ST3GAL6: variants seen among roughly 807,000 people sequenced by gnomAD.
ST3GAL6 encodes the protein type 2 lactosamine alpha-2,3-sialyltransferase.
ST3GAL6 carries 31 observed loss-of-function variants against 40.5 expected under a neutral mutation model. The ratio of observed to expected loss-of-function variants is 0.77; its 90% CI spans 0.58 to 1.03. The LOEUF (loss-of-function observed/expected upper bound fraction) is 1.03. Among genes scored for constraint, ST3GAL6 ranks in the 50% least tolerant of loss-of-function variants. The pLI, the probability that ST3GAL6 is intolerant of heterozygous loss-of-function variation, is 0.00. For missense variants in ST3GAL6, 357 were observed against 393.2 expected, an observed-to-expected ratio of 0.91 and a Z score of 0.78; for synonymous variants, 129 against 136.9, an observed-to-expected ratio of 0.94 and a Z score of 0.40.
In ST3GAL6 at chr3:98,793,766, A is replaced by G. The variant is rs71311394; in HGVS notation, c.*5A>G. ...ATCAACTTGACTCAAGATTGACTCT[A>G]CAGACTCAGAAGATGATGCTAACAG... On this transcript the variant is annotated 3_prime_UTR_variant, in exon 10 of 10. Coordinates refer to ENST00000483910, the MANE Select transcript of ST3GAL6 (RefSeq NM_001323368.2). The G allele has an allele frequency of 0.066, 103,756 of 1,563,922 alleles. 3,941 individuals are homozygous for G. The highest frequency in any genetic ancestry group is 0.077 in the Non-Finnish European group (88,279 of 1,149,850).
intron 1 of ST3GAL6, among the ~76,000 whole-genome samples, chr3:98,755,521 A>G (rs981029505): frequency 1.3e-5 from 2 of 152,066 alleles, no homozygotes; most frequent in African/African-American, 4.8e-5. Context: ...TGGGAATTTC[A>G]TTTTCTGCTT....
Position 98,788,191 on chromosome 3 carries a change from G to T in ST3GAL6, c.587G>T (p.Trp196Leu), listed in dbSNP as rs1266222142. Residue 196 changes from tryptophan (W) to leucine (L), a missense_variant, in exon 7 of 10, where the codon TGG (tryptophan) becomes TTG (leucine). Coordinates refer to ENST00000483910, the MANE Select transcript of ST3GAL6 (RefSeq NM_001323368.2). The stretch of plus-strand genomic sequence containing the variant: ...GCTTTTAAGCCACATGATTTAAGGT[G>T]GCTGTTGGAATTGTTGATGGGTGAC... ...LTAFKPHDLRWLLELLMGDKI... is the reference protein window; with the variant it reads ...LTAFKPHDLRLLLELLMGDKI... 3.1e-6 allele frequency: 5 copies of T among 1,611,780 alleles called. No homozygotes were observed. The highest frequency in any genetic ancestry group is 1.3e-5 in the African/African-American group (1 of 74,956).
At chr3:98,785,795 T>G (rs967802960) in intron 6 of ST3GAL6, among the ~76,000 whole-genome samples, 1 of 152,120 alleles carries the variant, frequency 6.6e-6, no homozygotes, top group Non-Finnish European at 1.5e-5. Context: ...GGGACAAGGG[T>G]GGAAATGAAG....
chr3:98,746,912 C>T (rs1049367908), intron 1 of ST3GAL6, among the ~76,000 whole-genome samples: 2 of 152,076 alleles, frequency 1.3e-5, no homozygotes, highest in Admixed American at 6.6e-5. Context: ...TAACATTTGC[C>T]GTTCATGTAA....
chr3:98,762,482 G>T (rs886916230), upstream of ST3GAL6, among the ~76,000 whole-genome samples: 2 of 152,088 alleles, frequency 1.3e-5, no homozygotes, highest in Admixed American at 1.3e-4. Context: ...TATATGTGCT[G>T]TTTTTTATTT....
At position 98,795,450 on chromosome 3, in the gene ST3GAL6, CT is replaced by C. The variant is rs1941529409; in HGVS notation, c.*1691del. On this transcript the variant is annotated 3_prime_UTR_variant, in exon 10 of 10. Transcript: ENST00000483910. ...GCAGAGTCCCACAGTTTTGATTCCT[CT>C]TATAACTTTTTGAGGTGCAAAAGGA... 6.6e-6 allele frequency: 1 copy of C among 152,174 alleles called. No homozygotes were observed. The highest frequency in any genetic ancestry group is 2.4e-5 in the African/African-American group (1 of 41,436). 9.4% of individuals were successfully genotyped at this position (152,174 alleles called of 1,614,324 possible).
chr3:98,749,593 T>C (rs983869964), intron 1 of ST3GAL6, among the ~76,000 whole-genome samples: 11 of 152,234 alleles, frequency 7.2e-5, no homozygotes. Flanking sequence ...TAAATTGGCA[T>C]AATAAGTATT....
chr3:98,750,437 A>G (rs1189629378), intron 1 of ST3GAL6, among the ~76,000 whole-genome samples: 1 of 124,862 alleles, frequency 8.0e-6, no homozygotes, highest in South Asian at 3.1e-4. Context: ...GAAATAATGT[A>G]GTTAGAAGAC....
chr3:98,766,550 G>A (rs72932669), intron 1 of ST3GAL6, among the ~76,000 whole-genome samples: 5,844 of 151,168 alleles, frequency 0.039, 141 homozygotes, highest in African/African-American at 0.067. Context: ...CCTCCTGAAT[G>A]GGTGGGATTG....
chr3:98,732,635 G>A, intron 1 of ST3GAL6: 1 of 483,938 alleles, frequency 2.1e-6, no homozygotes, highest in East Asian at 3.6e-5. Flanking sequence ...TTTGGGGGCG[G>A]CCACCGTGCA....
intron 1 of ST3GAL6, among the ~76,000 whole-genome samples, chr3:98,764,838 A>G (rs896142047): frequency 6.6e-6 from 1 of 152,232 alleles, no homozygotes; most frequent in African/African-American, 2.4e-5. Flanking sequence ...GCACTCATAC[A>G]TCTTAATGCT....
rs563684635 is a variant in ST3GAL6, at chr3:98,756,401, G to A, written c.-11-12029G>A. 1.2e-5 allele frequency: 16 copies of A among 1,289,574 alleles called. No homozygotes were observed. In the East Asian group the frequency reaches 7.8e-4, roughly 63 times the overall value. The allele number at this position is 1,289,574 out of a possible 1,614,324, so 79.9% of individuals were successfully genotyped here. On this transcript the variant is annotated intron_variant, in intron 1 of 9. Coordinates refer to the ST3GAL6 transcript ENST00000265261. ...AAGTGAGGAAGCAGCACAACCCTGG[G>A]TTTTAGATAATTTCTAACAGAGAGG...
chr3:98,759,660 G>GT (rs1359888850), upstream of ST3GAL6, among the ~76,000 whole-genome samples: 1 of 151,574 alleles, frequency 6.6e-6, no homozygotes, highest in African/African-American at 2.4e-5. Flanking sequence ...AGTATGATAC[G>GT]TAAGTCCTCA....
rs193113989 is a variant in ST3GAL6, at chr3:98,735,231, T to C, written c.-12+2699T>C. 2.6e-4 allele frequency among the ~76,000 whole-genome samples: 40 copies of C among 152,330 alleles called. No individual in the cohort carries two copies. In the East Asian group the frequency reaches 7.5e-3, roughly 29 times the overall value. On this transcript the variant is annotated intron_variant, in intron 1 of 9. Transcript: ENST00000265261. ...GAGTTGCAGTGGCTCACATAAAGGT[T>C]TGACTCTACCTCTGCCTACACCATC...
intron 1 of ST3GAL6, chr3:98,733,623 A>T: frequency 2.0e-6 from 2 of 984,920 alleles, no homozygotes; most frequent in Non-Finnish European, 2.4e-6. Context: ...GGCTGCTGTT[A>T]ATTTTCAAGA....
At position 98,793,981 on chromosome 3, in the gene ST3GAL6, T is replaced by TGA. The variant is rs1941415191; in HGVS notation, c.*220_*221insGA. The stretch of plus-strand genomic sequence containing the variant: ...AACAGGAAAATAAGTTTTGATTGCA[T>TGA]TGTTTTTAAAATAAGCTAGTTTTCT... On this transcript the variant is annotated 3_prime_UTR_variant, in exon 10 of 10. Transcript: ENST00000483910. 2 of 349,380 alleles carry TGA rather than the reference T, an allele frequency of 5.7e-6. No homozygotes were observed. The highest frequency in any genetic ancestry group is 1.9e-4 in the South Asian group (2 of 10,642). 21.6% of individuals were successfully genotyped at this position (349,380 alleles called of 1,614,324 possible).
chr3:98,780,995 ATTATACTATATAGACT>A (rs1474074251), intron 5 of ST3GAL6, among the ~76,000 whole-genome samples: 1 of 152,210 alleles, frequency 6.6e-6, no homozygotes, highest in African/African-American at 2.4e-5. Flanking sequence ...CTATATAGAC[ATTATACTATATAGACT>A]TTATACTACA....
At chr3:98,775,873 C>G (rs538183563) in intron 5 of ST3GAL6, among the ~76,000 whole-genome samples, 2 of 152,264 alleles carry the variant, frequency 1.3e-5, no homozygotes, top group East Asian at 3.9e-4. Context: ...ATCATGCTGA[C>G]TGCAGGAGTC....
chr3:98,791,376 A>T (rs1941193272), intron 8 of ST3GAL6, among the ~76,000 whole-genome samples: 1 of 152,236 alleles, frequency 6.6e-6, no homozygotes, highest in South Asian at 2.1e-4. Context: ...TATAAAATAT[A>T]GCTATTCGAA....
Sources: gnomAD v4.1 joint callset for allele counts (sites outside exome capture counted in the v4.1 genomes callset) on GRCh38, gnomAD v4.1.1 for gene constraint, MANE v1.5 for transcripts, NCBI Gene and HGNC (gene_info 2026-07-23, HGNC 2026-07-21) for gene names.